CACNA1D: variants seen among roughly 807,000 people sequenced by gnomAD.
CACNA1D encodes voltage-dependent L-type calcium channel subunit alpha-1D.
Under a neutral mutation model 257.1 loss-of-function variants are expected in CACNA1D, and 55 were observed. The observed-to-expected ratio is 0.21, with a 90% CI of 0.17 to 0.27. The LOEUF is 0.27. CACNA1D is among the 10% of genes least tolerant of loss of function. The pLI is 1.00. For missense variants in CACNA1D, 1,876 were observed against 2,784.0 expected (o/e 0.67, Z 7.34); for synonymous variants, 980 against 1,014.9 (o/e 0.97, Z 0.65).
chr3:53,648,033 T>C (rs2094041150), intron 3 of CACNA1D, among the ~76,000 whole-genome samples: 1 of 152,218 alleles, frequency 6.6e-6, no homozygotes, highest in African/African-American at 2.4e-5. Flanking sequence ...TGTGTTATTG[T>C]GGCAAAATTT....
chr3:53,594,706 C>T (rs3774466), intron 3 of CACNA1D, among the ~76,000 whole-genome samples: 20,241 of 152,272 alleles, frequency 0.13, 3,481 homozygotes, highest in African/African-American at 0.39. Context: ...GGTGGCTGAT[C>T]CCACTCTCTG....
intron 3 of CACNA1D, among the ~76,000 whole-genome samples, chr3:53,583,501 C>T (rs1413809353): frequency 6.6e-6 from 1 of 152,162 alleles, no homozygotes; most frequent in Non-Finnish European, 1.5e-5. Flanking sequence ...TTCACATGTT[C>T]CAAGGTGGGC....
intron 3 of CACNA1D, among the ~76,000 whole-genome samples, chr3:53,542,332 C>G (rs1163533766): frequency 3.9e-5 from 6 of 151,956 alleles, no homozygotes; most frequent in Non-Finnish European, 8.8e-5. Flanking sequence ...GTAATCCCAG[C>G]ACTTTGACAG....
At chr3:53,677,392 T>A (rs547084249) in intron 8 of CACNA1D, among the ~76,000 whole-genome samples, 1 of 152,368 alleles carries the variant, frequency 6.6e-6, no homozygotes, top group East Asian at 1.9e-4. Context: ...ATCAGCGACA[T>A]CCTGTCTTGC....
chr3:53,555,188 A>G (rs1461502384), intron 3 of CACNA1D, among the ~76,000 whole-genome samples: 2 of 152,224 alleles, frequency 1.3e-5, no homozygotes, highest in Non-Finnish European at 2.9e-5. Flanking sequence ...AAACTGAGAA[A>G]GACTTATCAA....
At chr3:53,615,875 G>A (rs1294303466) in intron 3 of CACNA1D, among the ~76,000 whole-genome samples, 1 of 152,156 alleles carries the variant, frequency 6.6e-6, no homozygotes, top group Non-Finnish European at 1.5e-5. Context: ...ACTCCTCCTT[G>A]GCAGTTCTTT....
intron 3 of CACNA1D, among the ~76,000 whole-genome samples, chr3:53,548,984 T>A (rs2092472949): frequency 6.6e-6 from 1 of 152,158 alleles, no homozygotes; most frequent in Admixed American, 6.5e-5. Flanking sequence ...AAATAATTGA[T>A]GTTGGGGGTG....
At chr3:53,727,190 G>C (rs1302612131) in intron 15 of CACNA1D, among the ~76,000 whole-genome samples, 191 bp downstream of exon 15, 8 of 152,200 alleles carry the variant, frequency 5.3e-5, no homozygotes, top group Admixed American at 2.0e-4. Flanking sequence ...CAGAATTCCA[G>C]AGAGGCTTTG....
At chr3:53,531,114 C>A (rs1330153015) in intron 3 of CACNA1D, among the ~76,000 whole-genome samples, 2 of 151,646 alleles carry the variant, frequency 1.3e-5, no homozygotes, top group Admixed American at 6.6e-5. Flanking sequence ...GCCTCAGCCT[C>A]CCACTGGGAT....
chr3:53,699,013 T>A (rs1323183120), intron 8 of CACNA1D, among the ~76,000 whole-genome samples: 1 of 152,218 alleles, frequency 6.6e-6, no homozygotes, highest in African/African-American at 2.4e-5. Flanking sequence ...TCTTAGAATA[T>A]GATGAATTCT....
At chr3:53,786,669 C>T (rs2095454451) in intron 39 of CACNA1D, 153 bp from the exon 40 acceptor site, 2 of 692,096 alleles carry the variant, frequency 2.9e-6, no homozygotes, top group Admixed American at 2.1e-5. Flanking sequence ...GGTTTGAGAC[C>T]CCTGTGTTAT....
At chr3:53,568,024 T>C (rs189141723) in intron 3 of CACNA1D, among the ~76,000 whole-genome samples, 3 of 152,282 alleles carry the variant, frequency 2.0e-5, no homozygotes, top group East Asian at 3.9e-4. Flanking sequence ...TTTAACCTAA[T>C]TGAGCCTCAG....
At chr3:53,653,465 A>G (rs2094118149) in intron 4 of CACNA1D, among the ~76,000 whole-genome samples, 1 of 152,202 alleles carries the variant, frequency 6.6e-6, no homozygotes, top group Non-Finnish European at 1.5e-5. Context: ...GCTGTTATAA[A>G]TTTATGGACT....
At chr3:53,790,477 C>G (rs2095477774) in intron 40 of CACNA1D, among the ~76,000 whole-genome samples, 1 of 152,262 alleles carries the variant, frequency 6.6e-6, no homozygotes, top group Non-Finnish European at 1.5e-5. Context: ...ATGTCCCCCA[C>G]TCATCCCAGA....
intron 37 of CACNA1D, 90 bp downstream of exon 37, chr3:53,777,046 C>T: frequency 1.1e-6 from 1 of 921,138 alleles, no homozygotes; most frequent in Non-Finnish European, 1.8e-6. Context: ...GCCAGGCCTT[C>T]TGTCAGTTGC....
chr3:53,662,535 G>T (rs188807576), intron 5 of CACNA1D, among the ~76,000 whole-genome samples: 2 of 152,166 alleles, frequency 1.3e-5, no homozygotes, highest in South Asian at 4.1e-4. Flanking sequence ...TGGTCTACCT[G>T]CATCTTTTAG....
At chr3:53,666,302 T>C (rs1369666531) in intron 6 of CACNA1D, 37 bp from the exon 7 acceptor site, 1 of 1,594,502 alleles carries the variant, frequency 6.3e-7, no homozygotes, top group Non-Finnish European at 8.6e-7. Flanking sequence ...CTGATGTTTC[T>C]GTCCTGAGCG....
At chr3:53,545,244 G>T (rs2092386627) in intron 3 of CACNA1D, among the ~76,000 whole-genome samples, 1 of 152,194 alleles carries the variant, frequency 6.6e-6, no homozygotes, top group South Asian at 2.1e-4. Flanking sequence ...CAAAGTACTT[G>T]CCAGAATATT....
intron 3 of CACNA1D, among the ~76,000 whole-genome samples, chr3:53,553,706 C>T (rs1040959709): frequency 2.0e-5 from 3 of 151,958 alleles, no homozygotes; most frequent in African/African-American, 7.3e-5. Context: ...CACATGTACA[C>T]ACGCCAGACA....
Sources: allele counts gnomAD v4.1 joint callset (sites outside exome capture counted in the v4.1 genomes callset), GRCh38; gene constraint gnomAD v4.1.1; transcripts MANE v1.5; gene names NCBI Gene and HGNC (gene_info 2026-07-23, HGNC 2026-07-21).